ETFDH: variants seen among roughly 807,000 people sequenced by gnomAD.
ETFDH encodes electron transfer flavoprotein-ubiquinone oxidoreductase, mitochondrial.
A neutral mutation model predicts 73.2 loss-of-function variants in ETFDH; 61 were observed. That is an observed-to-expected ratio of 0.83 (90% CI 0.68 to 1.03). The LOEUF is 1.03. ETFDH is among the 50% of genes least tolerant of loss of function. ETFDH has a pLI of 0.00. For synonymous variants in ETFDH, 243 were observed against 253.3 expected, an observed-to-expected ratio of 0.96 and a Z score of 0.39; for missense variants, 685 against 745.0, an observed-to-expected ratio of 0.92 and a Z score of 0.94.
chr4:158,686,528 T>A (rs1214174490), intron 5 of ETFDH, among the ~76,000 whole-genome samples: 1 of 152,224 alleles, frequency 6.6e-6, no homozygotes, highest in African/African-American at 2.4e-5. Context: ...ACATTCTCTT[T>A]GGCCTTTTTG....
At chr4:158,699,238 A>G in intron 9 of ETFDH, 108 bp downstream of exon 9, 2 of 943,502 alleles carry the variant, frequency 2.1e-6, no homozygotes, top group South Asian at 2.8e-5. Context: ...GGAATAGGAA[A>G]AGTATGTAGA....
rs192642486 is a variant in ETFDH, at chr4:158,703,992, G to C, written c.1285+401G>C. ...CGGGTGCCTGTAATCCCAGCTACTT[G>C]GGAGGCTGAGGCAGAAGAATCACTT... On this transcript the variant is annotated intron_variant, in intron 10 of 12. Transcript: ENST00000511912. 2.6e-5 allele frequency among the ~76,000 whole-genome samples: 4 copies of C among 152,282 alleles called. No homozygotes were observed. In the East Asian group the frequency reaches 7.7e-4, roughly 29 times the overall value.
At chr4:158,698,903 T>G (rs2150312157) in intron 8 of ETFDH, 84 bp from the exon 9 acceptor site, 2 of 997,692 alleles carry the variant, frequency 2.0e-6, no homozygotes, top group Non-Finnish European at 1.6e-6. Context: ...AACCTACATG[T>G]TTTCTGATAA....
At position 158,699,101 on chromosome 4, in the gene ETFDH, G is replaced by A; in HGVS notation, c.1087G>A (p.Ala363Thr). The A allele has an allele frequency of 6.2e-7, 1 of 1,613,986 alleles. No homozygotes were observed. The highest frequency in any genetic ancestry group is 8.5e-7 in the Non-Finnish European group (1 of 1,179,920). The change falls in exon 9 of 13, where the codon GCC becomes ACC. Residue 363 changes from alanine (A) to threonine (T), a missense_variant. Ala to Thr is a moderately conservative substitution (Grantham distance 58). Around this residue, in one of 3 missense-constraint regions of ETFDH, gnomAD observed 79 missense variants for 120.5 expected, o/e 0.66. Transcript: ENST00000511912. ...LEGGKRIAYGARALNEGGFQS... is the reference protein window; with the variant it reads ...LEGGKRIAYGTRALNEGGFQS... ...AGGTGGAAAAAGGATTGCATACGGAGCCAGAGCTCTCAATGAAGGTGGCTT... is the reference window on the plus strand; with the variant it reads ...AGGTGGAAAAAGGATTGCATACGGAACCAGAGCTCTCAATGAAGGTGGCTT...
intron 1 of ETFDH, among the ~76,000 whole-genome samples, chr4:158,673,739 G>A (rs116032941): frequency 0.015 from 2,254 of 152,316 alleles, 31 homozygotes; most frequent in Non-Finnish European, 0.022. Context: ...TAATTTAGAT[G>A]CAATCAGCCT....
intron 7 of ETFDH, among the ~76,000 whole-genome samples, chr4:158,696,329 G>T (rs1310811531): frequency 6.6e-6 from 1 of 152,024 alleles, no homozygotes; most frequent in Non-Finnish European, 1.5e-5. Context: ...AATGTAGTGA[G>T]ACCTCATCTC....
chr4:158,701,607 C>T (rs1774463915), intron 9 of ETFDH, among the ~76,000 whole-genome samples: 1 of 152,204 alleles, frequency 6.6e-6, no homozygotes, highest in Admixed American at 6.5e-5. Flanking sequence ...CGACAGAGTG[C>T]TCACCATGTC....
At chr4:158,675,388 TA>T (rs1034678781) in intron 1 of ETFDH, among the ~76,000 whole-genome samples, 1 of 152,256 alleles carries the variant, frequency 6.6e-6, no homozygotes, top group African/African-American at 2.4e-5. Flanking sequence ...TTCTTATTGC[TA>T]AATATTTCAT....
Position 158,708,582 on chromosome 4 carries a change from A to AGAT in ETFDH, c.*56_*58dup. 7.3e-7 allele frequency: 1 copy of AGAT among 1,377,884 alleles called. No homozygotes were observed. The highest frequency in any genetic ancestry group is 1.4e-5 in the African/African-American group (1 of 70,228). The allele number at this position is 1,377,884 out of a possible 1,614,324, so 85.4% of individuals were successfully genotyped here. A position where few individuals can be genotyped will look rare whatever the true frequency, so the allele number is the denominator to read the frequency against. ...GGCAAGCTAACGTTAAAATGTTTAG[A>AGAT]GATTAACAGATTTCAGAATGTCTTT... On this transcript the variant is annotated 3_prime_UTR_variant, in exon 13 of 13. Transcript: ENST00000511912.
In ETFDH at chr4:158,709,612, G is replaced by T; in HGVS notation, c.*1085G>T. 3.0e-6 allele frequency: 2 copies of T among 670,332 alleles called. No individual in the cohort carries two copies. The highest frequency in any genetic ancestry group is 2.0e-5 in the South Asian group (1 of 50,520). The allele number at this position is 670,332 out of a possible 1,614,324, so 41.5% of individuals were successfully genotyped here. The stretch of plus-strand genomic sequence containing the variant: ...GAACCCCTATCAGTACTCCTAAACT[G>T]TAAACAGTAAGGAACTAAGGTGTCA... On this transcript the variant is annotated 3_prime_UTR_variant, in exon 13 of 13. Transcript: ENST00000511912.
chr4:158,707,185 G>A (rs903202556), intron 12 of ETFDH, among the ~76,000 whole-genome samples: 1 of 152,166 alleles, frequency 6.6e-6, no homozygotes, highest in Admixed American at 6.5e-5. Flanking sequence ...GCATGTACTA[G>A]AACAGCACAT....
rs1173094369 is a variant in ETFDH, at chr4:158,680,447, T to C, written c.35-20T>C. Reference sequence around the variant, plus strand: ...AAACTAATTTTAAGGAAGATAATAATTTTCGTAATTTTTGTGCAGCATATC... The same window carrying C: ...AAACTAATTTTAAGGAAGATAATAACTTTCGTAATTTTTGTGCAGCATATC... On this transcript the variant is annotated intron_variant, in intron 1 of 12. Transcript: ENST00000511912. 7.6e-6 allele frequency: 12 copies of C among 1,585,434 alleles called. No homozygotes were observed. The highest frequency in any genetic ancestry group is 9.5e-6 in the Non-Finnish European group (11 of 1,154,326).
At chr4:158,673,975 AAAAGGGGT>A (rs371771879) in intron 1 of ETFDH, among the ~76,000 whole-genome samples, 13 of 152,296 alleles carry the variant, frequency 8.5e-5, no homozygotes, top group African/African-American at 3.1e-4. Flanking sequence ...GTGTTTTCAG[AAAAGGGGT>A]AAAGGTTGTG....
Position 158,708,590 on chromosome 4 carries a change from A to G in ETFDH, c.*63A>G. The G allele has an allele frequency of 7.5e-7, 1 of 1,338,034 alleles. No individual in the cohort carries two copies. The highest frequency in any genetic ancestry group is 1.1e-6 in the Non-Finnish European group (1 of 929,670). 82.9% of individuals were successfully genotyped at this position (1,338,034 alleles called of 1,614,324 possible). Reference sequence around the variant, plus strand: ...AACGTTAAAATGTTTAGAGATTAACAGATTTCAGAATGTCTTTCTGCATAT... The same window carrying G: ...AACGTTAAAATGTTTAGAGATTAACGGATTTCAGAATGTCTTTCTGCATAT... On this transcript the variant is annotated 3_prime_UTR_variant, in exon 13 of 13. Transcript: ENST00000511912.
intron 12 of ETFDH, among the ~76,000 whole-genome samples, chr4:158,707,564 G>C (rs1299394379): frequency 6.6e-6 from 1 of 152,126 alleles, no homozygotes; most frequent in Non-Finnish European, 1.5e-5. Flanking sequence ...TGTACCATTC[G>C]GGCTTGCCCC....
At position 158,708,521 on chromosome 4, in the gene ETFDH, A is replaced by T. The variant is rs1032306379; in HGVS notation, c.1848A>T (p.Gly616=). ...PEGGGGPAYN[G]M is the part of the protein sequence containing the mutation. ...GTGGAGGAGGACCTGCTTACAATGG[A>T]ATGTAAACTGCAGCTAGCCAGTTTC... Residue 616 remains glycine, a synonymous_variant, in exon 13 of 13, where the codon GGA becomes GGT. Transcript: ENST00000511912. The T allele has an allele frequency of 3.1e-6, 5 of 1,613,278 alleles. No individual in the cohort carries two copies. Among genetic ancestry groups the T allele is most frequent in the Non-Finnish European group, 3.4e-6 (4 of 1,179,240 alleles).
chr4:158,684,126 G>A (rs555636913), intron 3 of ETFDH, among the ~76,000 whole-genome samples: 50 of 152,180 alleles, frequency 3.3e-4, no homozygotes, highest in African/African-American at 7.5e-4. Flanking sequence ...CCAGCTGGCC[G>A]GGCGTGTAAT....
At position 158,680,317 on chromosome 4, in the gene ETFDH, A is replaced by G. The variant is rs896346722; in HGVS notation, c.35-150A>G. 5.0e-6 allele frequency: 3 copies of G among 595,404 alleles called. No individual in the cohort carries two copies. In the African/African-American group the frequency reaches 5.6e-5, roughly 11 times the overall value. The allele number at this position is 595,404 out of a possible 1,614,324, so 36.9% of individuals were successfully genotyped here. ...ATTTAAGATTTGAAAACATTGCTTTATGAGAAAAAGCTATTCAAAGTGTTC... is the reference window on the plus strand; with the variant it reads ...ATTTAAGATTTGAAAACATTGCTTTGTGAGAAAAAGCTATTCAAAGTGTTC... On this transcript the variant is annotated intron_variant, in intron 1 of 12. Coordinates refer to ENST00000511912, the MANE Select transcript of ETFDH (RefSeq NM_004453.4).
chr4:158,695,738 T>G (rs1774293329), intron 7 of ETFDH, 95 bp downstream of exon 7: 2 of 861,164 alleles, frequency 2.3e-6, no homozygotes, highest in African/African-American at 3.4e-5. Context: ...TTAATTTTAG[T>G]TATATTTTTT....
Sources: gnomAD v4.1 joint callset for allele counts (sites outside exome capture counted in the v4.1 genomes callset) on GRCh38, gnomAD v4.1.1 for gene constraint, gnomAD v4.1.1 regional missense constraint, MANE v1.5 for transcripts, NCBI Gene and HGNC (gene_info 2026-07-23, HGNC 2026-07-21) for gene names.